SPEF2: variants seen among roughly 807,000 people sequenced by gnomAD.
SPEF2 encodes sperm flagellar and cilia associated 2, also known as sperm flagella and cilia-associated protein 2.
Under a neutral mutation model 224.6 loss-of-function variants are expected in SPEF2, and 187 were observed. The ratio of observed to expected loss-of-function variants is 0.83; its 90% CI spans 0.74 to 0.94. The LOEUF (loss-of-function observed/expected upper bound fraction) is 0.94. Ranked by LOEUF, SPEF2 falls within the 40% of genes least tolerant of loss-of-function variation. SPEF2 has a pLI of 0.00. For missense variants in SPEF2, 2,170 were observed against 2,135.6 expected, an observed-to-expected ratio of 1.02 and a Z score of -0.32; for synonymous variants, 715 against 707.3, an observed-to-expected ratio of 1.01 and a Z score of -0.17.
At chr5:35,693,455 G>A (rs1030270480) in intron 12 of SPEF2, among the ~76,000 whole-genome samples, 1 of 152,126 alleles carries the variant, frequency 6.6e-6, no homozygotes, top group Non-Finnish European at 1.5e-5. Flanking sequence ...TCTCTGAAAG[G>A]TTTACCTGTA....
chr5:35,786,620 A>G (rs553563358), intron 30 of SPEF2, among the ~76,000 whole-genome samples: 2 of 152,292 alleles, frequency 1.3e-5, no homozygotes, highest in Non-Finnish European at 2.9e-5. Context: ...AAATCGTGCC[A>G]CTGGACTCCA....
At chr5:35,710,284 A>G (rs11958367) in intron 19 of SPEF2, 773,576 of 977,294 alleles carry the variant, frequency 0.79, 306,622 homozygotes, top group East Asian at 0.85. Flanking sequence ...CAGGCCAAGC[A>G]TGGTGGCTCA....
chr5:35,666,169 A>G (rs979090587), intron 8 of SPEF2, among the ~76,000 whole-genome samples: 4 of 152,180 alleles, frequency 2.6e-5, no homozygotes, highest in Admixed American at 6.6e-5. Flanking sequence ...TAGCTCCTCC[A>G]AAGCCCAAGT....
At chr5:35,754,916 T>C (rs1344208734) in intron 24 of SPEF2, among the ~76,000 whole-genome samples, 1 of 152,268 alleles carries the variant, frequency 6.6e-6, no homozygotes, top group Non-Finnish European at 1.5e-5. Context: ...ATAATAGGTG[T>C]TCAGTAAATG....
chr5:35,748,444 G>A (rs1380864536), intron 23 of SPEF2, among the ~76,000 whole-genome samples: 1 of 152,030 alleles, frequency 6.6e-6, no homozygotes, highest in African/African-American at 2.4e-5. Flanking sequence ...ACCAAGAAAA[G>A]AAGAGAGAAA....
chr5:35,762,070 G>A (rs758046571), intron 25 of SPEF2, among the ~76,000 whole-genome samples: 15 of 152,048 alleles, frequency 9.9e-5, no homozygotes, highest in Non-Finnish European at 2.1e-4. Context: ...ATTAGTAGTA[G>A]TATCATAAGA....
intron 2 of SPEF2, among the ~76,000 whole-genome samples, chr5:35,634,637 T>C: frequency 6.6e-6 from 1 of 152,122 alleles, no homozygotes; most frequent in East Asian, 1.9e-4. Context: ...TATGTGTATA[T>C]TGGTATGCCT....
chr5:35,771,849 G>A (rs773288870), intron 27 of SPEF2, 93 bp downstream of exon 27: 20 of 1,438,850 alleles, frequency 1.4e-5, no homozygotes, highest in Non-Finnish European at 1.9e-5. Flanking sequence ...TAGCCTCTAA[G>A]CCACTAAAAT....
In SPEF2 at chr5:35,646,658, G is replaced by T. The variant is rs1747409992; in HGVS notation, c.586-9G>T. 8.7e-6 allele frequency: 14 copies of T among 1,612,178 alleles called. No homozygotes were observed. Among genetic ancestry groups the T allele is most frequent in the Admixed American group, 5.0e-5 (3 of 59,832 alleles). ...TGAATCACTAAACTAATGTATATGGGATATTCAGCAATACTTAAACAGAAG... is the reference window on the plus strand; with the variant it reads ...TGAATCACTAAACTAATGTATATGGTATATTCAGCAATACTTAAACAGAAG... On this transcript the variant is annotated splice_polypyrimidine_tract_variant and intron_variant, in intron 4 of 36. Transcript: ENST00000356031.
chr5:35,795,445 A>G (rs1282615783), intron 32 of SPEF2, among the ~76,000 whole-genome samples: 1 of 152,232 alleles, frequency 6.6e-6, no homozygotes, highest in Non-Finnish European at 1.5e-5. Context: ...ATACTTATTT[A>G]TAAATTATAT....
chr5:35,719,288 C>A (rs368668090), intron 20 of SPEF2, among the ~76,000 whole-genome samples: 1 of 152,136 alleles, frequency 6.6e-6, no homozygotes, highest in African/African-American at 2.4e-5. Context: ...GAGAATTTAA[C>A]GACAAATGTG....
At chr5:35,698,587 T>C (rs1449030742) in intron 15 of SPEF2, 2 of 152,208 alleles carry the variant, frequency 1.3e-5, no homozygotes, top group Non-Finnish European at 2.9e-5. Context: ...AACTGAAACC[T>C]CCACACCCCA....
chr5:35,727,467 G>A (rs1337259834), intron 20 of SPEF2, among the ~76,000 whole-genome samples: 1 of 152,178 alleles, frequency 6.6e-6, no homozygotes, highest in Non-Finnish European at 1.5e-5. Context: ...GGATAGGTTG[G>A]ATTGCTTTAA....
At chr5:35,702,426 A>G (rs919540640) in intron 16 of SPEF2, 5 of 417,172 alleles carry the variant, frequency 1.2e-5, no homozygotes, top group African/African-American at 1.0e-4. Flanking sequence ...AGAGGAGGTG[A>G]CTGCCTCCGC....
chr5:35,709,812 G>A (rs1269662061), intron 19 of SPEF2: 2 of 985,292 alleles, frequency 2.0e-6, no homozygotes, highest in African/African-American at 3.5e-5. Context: ...TTGGTAGAGT[G>A]TCAGTATCCA....
At chr5:35,641,073 A>G (rs1284019978) in intron 2 of SPEF2, among the ~76,000 whole-genome samples, 1 of 152,200 alleles carries the variant, frequency 6.6e-6, no homozygotes, top group Non-Finnish European at 1.5e-5. Context: ...ATTCAAAAAC[A>G]AAAGATTTAG....
At chr5:35,676,405 G>A (rs1279227171) in intron 10 of SPEF2, among the ~76,000 whole-genome samples, 1 of 152,102 alleles carries the variant, frequency 6.6e-6, no homozygotes, top group Non-Finnish European at 1.5e-5. Flanking sequence ...TACCAGCTAG[G>A]ATTTTAGAGT....
intron 28 of SPEF2, among the ~76,000 whole-genome samples, chr5:35,775,749 A>G (rs1389945417): frequency 2.6e-5 from 4 of 152,272 alleles, no homozygotes; most frequent in Non-Finnish European, 5.9e-5. Flanking sequence ...CAGCACCCAA[A>G]CTATGCGATG....
At chr5:35,715,146 G>A (rs1742287299) in intron 20 of SPEF2, among the ~76,000 whole-genome samples, 1 of 151,846 alleles carries the variant, frequency 6.6e-6, no homozygotes, top group Non-Finnish European at 1.5e-5. Context: ...CAAACTCCTG[G>A]GCTCAAGCAA....
Sources: gnomAD v4.1 joint callset for allele counts (sites outside exome capture counted in the v4.1 genomes callset) on GRCh38, gnomAD v4.1.1 for gene constraint, MANE v1.5 for transcripts, NCBI Gene and HGNC (gene_info 2026-07-23, HGNC 2026-07-21) for gene names.